The following ST6GALNAC5 variants were observed in gnomAD, a reference collection of about 807,000 sequenced individuals.
ST6GALNAC5 encodes ST6 N-acetylgalactosaminide alpha-2,6-sialyltransferase 5.
Under a neutral mutation model 33.6 loss-of-function variants are expected in ST6GALNAC5, and 27 were observed. That is an observed-to-expected ratio of 0.80 (90% CI 0.59 to 1.11). The LOEUF (loss-of-function observed/expected upper bound fraction) is 1.11, where lower values mean the gene tolerates loss of function less well. Ranked by LOEUF, ST6GALNAC5 falls within the 50% of genes least tolerant of loss-of-function variation. The pLI, the probability that ST6GALNAC5 is intolerant of heterozygous loss-of-function variation, is 0.00. For synonymous variants in ST6GALNAC5, 194 were observed against 171.2 expected (o/e 1.13, Z -1.04); for missense variants, 428 against 454.0 (o/e 0.94, Z 0.52).
chr1:76,980,341 TG>T (rs1337153688), intron 2 of ST6GALNAC5, among the ~76,000 whole-genome samples: 1 of 152,206 alleles, frequency 6.6e-6, no homozygotes, highest in Non-Finnish European at 1.5e-5. Flanking sequence ...TTCTGAATTT[TG>T]TTAATTTCTC....
intron 2 of ST6GALNAC5, among the ~76,000 whole-genome samples, chr1:76,918,150 C>T (rs528268915): frequency 4.6e-5 from 7 of 152,204 alleles, no homozygotes; most frequent in Admixed American, 1.3e-4. Context: ...TAGAAATTAC[C>T]ATCTGTCTAG....
intron 2 of ST6GALNAC5, chr1:76,869,170 C>A (rs552423206): frequency 6.5e-5 from 12 of 185,878 alleles, no homozygotes; most frequent in Non-Finnish European, 1.2e-4. Context: ...GCAGCCAGCC[C>A]GCGGCCACTG....
intron 2 of ST6GALNAC5, among the ~76,000 whole-genome samples, chr1:77,023,719 A>T (rs1651136076): frequency 6.6e-6 from 1 of 152,086 alleles, no homozygotes; most frequent in Non-Finnish European, 1.5e-5. Context: ...TTGTTTTTTA[A>T]AATTATTATC....
Position 77,064,610 on chromosome 1 carries a change from A to C in ST6GALNAC5, c.*1404A>C, listed in dbSNP as rs142780485. 14 of 152,358 alleles carry C rather than the reference A, an allele frequency of 9.2e-5. No individual in the cohort carries two copies. In the East Asian group the frequency reaches 2.7e-3, roughly 29 times the overall value. 9.4% of individuals were successfully genotyped at this position (152,358 alleles called of 1,614,324 possible). On this transcript the variant is annotated 3_prime_UTR_variant, in exon 5 of 5. Transcript: ENST00000477717. Reference sequence around the variant, plus strand: ...TCATTACCATTCCCTGGTCTGAAGGAGTATAAAGGACTTATTTTATTCAGA... The same window carrying C: ...TCATTACCATTCCCTGGTCTGAAGGCGTATAAAGGACTTATTTTATTCAGA...
At chr1:77,046,766 T>C (rs183574869) in intron 3 of ST6GALNAC5, among the ~76,000 whole-genome samples, 127 of 152,346 alleles carry the variant, frequency 8.3e-4, no homozygotes, top group Non-Finnish European at 1.5e-3. Flanking sequence ...ACCATCTCAA[T>C]AGAAAACACT....
chr1:76,971,136 TTA>T (rs1648739910), intron 2 of ST6GALNAC5, among the ~76,000 whole-genome samples: 1 of 152,190 alleles, frequency 6.6e-6, no homozygotes, highest in African/African-American at 2.4e-5. Flanking sequence ...TTTGTTTTGT[TTA>T]GATTTGTAGA....
At chr1:76,943,377 T>C (rs1170775482) in intron 2 of ST6GALNAC5, among the ~76,000 whole-genome samples, 4 of 152,148 alleles carry the variant, frequency 2.6e-5, no homozygotes, top group Non-Finnish European at 5.9e-5. Context: ...TATCTGTGAC[T>C]GATGATTGTT....
intron 2 of ST6GALNAC5, among the ~76,000 whole-genome samples, chr1:76,991,839 GCACACACACACA>G (rs4032991): frequency 6.2e-4 from 92 of 149,456 alleles, no homozygotes; most frequent in African/African-American, 1.8e-3. Flanking sequence ...ACGCGTGTGC[GCACACACACACA>G]CACACACACA....
intron 2 of ST6GALNAC5, among the ~76,000 whole-genome samples, chr1:76,949,352 TG>T (rs1647653691): frequency 6.6e-6 from 1 of 152,136 alleles, no homozygotes; most frequent in South Asian, 2.1e-4. Context: ...TGGGCCTGTT[TG>T]GGGCTCAGTT....
chr1:77,016,979 T>C (rs535681914), intron 2 of ST6GALNAC5, among the ~76,000 whole-genome samples: 2 of 152,136 alleles, frequency 1.3e-5, no homozygotes, highest in East Asian at 3.9e-4. Flanking sequence ...AAATTAACAA[T>C]GGCATGAATG....
At chr1:76,888,505 T>G (rs1653946256) in intron 2 of ST6GALNAC5, among the ~76,000 whole-genome samples, 3 of 152,206 alleles carry the variant, frequency 2.0e-5, no homozygotes, top group Admixed American at 2.0e-4. Context: ...TTAAGAGTCA[T>G]GTTTAGTTTA....
intron 2 of ST6GALNAC5, among the ~76,000 whole-genome samples, chr1:76,891,663 A>T (rs767161710): frequency 1.3e-5 from 2 of 152,158 alleles, no homozygotes; most frequent in Non-Finnish European, 2.9e-5. Context: ...CTAATCCAAG[A>T]TCATGAAGAA....
intron 2 of ST6GALNAC5, among the ~76,000 whole-genome samples, chr1:76,979,387 G>A (rs866294703): frequency 2.0e-5 from 3 of 152,066 alleles, no homozygotes; most frequent in Admixed American, 6.6e-5. Flanking sequence ...ACACTACAAG[G>A]CTATAGTAAT....
chr1:77,035,440 C>A (rs967024264), intron 2 of ST6GALNAC5, among the ~76,000 whole-genome samples: 1 of 152,114 alleles, frequency 6.6e-6, no homozygotes, highest in Non-Finnish European at 1.5e-5. Context: ...TTAAACAACA[C>A]CCTTAAGTAT....
At position 76,868,391 on chromosome 1, in the gene ST6GALNAC5, A is replaced by C; in HGVS notation, c.16-106A>C. 2.8e-6 allele frequency: 4 copies of C among 1,450,718 alleles called. No individual in the cohort carries two copies. Among genetic ancestry groups the C allele is most frequent in the Non-Finnish European group, 1.8e-6 (2 of 1,098,248 alleles). The allele number at this position is 1,450,718 out of a possible 1,614,324, so 89.9% of individuals were successfully genotyped here. ...GCGGGGCTGGGGCCCAGGCCGCCCCAAATCTCCCCCACTAGAGTGACCACC... is the reference window on the plus strand; with the variant it reads ...GCGGGGCTGGGGCCCAGGCCGCCCCCAATCTCCCCCACTAGAGTGACCACC... On this transcript the variant is annotated intron_variant, in intron 1 of 4. Transcript: ENST00000477717. This position sits in a 1 kb window ranked among gnomAD's most constrained non-coding sequence, Gnocchi z 4.3.
At chr1:77,053,915 T>C (rs1230216296) in intron 4 of ST6GALNAC5, among the ~76,000 whole-genome samples, 1 of 152,146 alleles carries the variant, frequency 6.6e-6, no homozygotes, top group Non-Finnish European at 1.5e-5. Flanking sequence ...AAGTTCCCAG[T>C]GTCTCACTGC....
chr1:76,926,505 TA>T (rs908536021), intron 2 of ST6GALNAC5, among the ~76,000 whole-genome samples: 6 of 152,238 alleles, frequency 3.9e-5, no homozygotes, highest in South Asian at 2.1e-4. Context: ...CAAGAAATAT[TA>T]AAAAAAGTAT....
intron 3 of ST6GALNAC5, among the ~76,000 whole-genome samples, chr1:77,044,943 A>G (rs186913428): frequency 1.5e-4 from 23 of 151,986 alleles, no homozygotes; most frequent in Admixed American, 2.6e-4. Flanking sequence ...ACCCTCACCA[A>G]AAAAAAAGTA....
intron 2 of ST6GALNAC5, among the ~76,000 whole-genome samples, chr1:76,872,068 AACACAC>A (rs66721550): frequency 0.052 from 6,720 of 130,186 alleles, 300 homozygotes; most frequent in African/African-American, 0.13. Flanking sequence ...TAACCAAGCT[AACACAC>A]ACACACACAC....
Sources: gnomAD v4.1 joint callset for allele counts (sites outside exome capture counted in the v4.1 genomes callset) on GRCh38, gnomAD v4.1.1 for gene constraint, Gnocchi (gnomAD v3.1) non-coding constraint, MANE v1.5 for transcripts, NCBI Gene and HGNC (gene_info 2026-07-23, HGNC 2026-07-21) for gene names.